Variants in GOLGA2 observed in about 807,000 individuals in gnomAD.
The protein encoded by GOLGA2 is golgin subfamily A member 2.
GOLGA2 carries 49 observed loss-of-function variants against 148.8 expected under a neutral mutation model. The observed-to-expected ratio is 0.33, with a 90% CI of 0.26 to 0.42. The LOEUF (loss-of-function observed/expected upper bound fraction) is 0.42. GOLGA2 is among the 10% of genes least tolerant of loss of function. The pLI, the probability that GOLGA2 is intolerant of heterozygous loss-of-function variation, is 1.00. For synonymous variants in GOLGA2, 501 were observed against 511.8 expected (o/e 0.98, Z 0.28); for missense variants, 1,178 against 1,304.6 (o/e 0.90, Z 1.49).
chr9:128,261,007 G>C lies in GOLGA2; in HGVS notation c.1420+165C>G. 1 of 681,088 alleles carries C rather than the reference G, an allele frequency of 1.5e-6. No individual in the cohort carries two copies. Among genetic ancestry groups the C allele is most frequent in the Non-Finnish European group, 2.6e-6 (1 of 380,580 alleles). The allele number at this position is 681,088 out of a possible 1,614,324, so 42.2% of individuals were successfully genotyped here. On this transcript the variant is annotated intron_variant, in intron 17 of 26. Transcript: ENST00000611957. The surrounding 1 kb of genome is among the most constrained non-coding windows in gnomAD (Gnocchi z 5.7). ...GCACTCCTTCGTCTTTGCTGATGGG[G>C]CACTGAGGCTCATGGAGATGACGAG...
At chr9:128,268,675 T>C in intron 3 of GOLGA2, 151 bp from the exon 4 acceptor site, 2 of 599,028 alleles carry the variant, frequency 3.3e-6, no homozygotes, top group Non-Finnish European at 3.0e-6. Flanking sequence ...TGTGGATTGG[T>C]TGCCCAGGCC....
chr9:128,272,930 G>A (rs1831050392), intron 2 of GOLGA2, 65 bp from the exon 3 acceptor site: 2 of 542,836 alleles, frequency 3.7e-6, no homozygotes, highest in Admixed American at 2.9e-5. Flanking sequence ...TTAGAGAGAG[G>A]CAAGAAAGTC....
intron 3 of GOLGA2, among the ~76,000 whole-genome samples, chr9:128,272,027 A>G (rs1830979312): frequency 6.7e-6 from 1 of 149,618 alleles, no homozygotes; most frequent in African/African-American, 2.4e-5. Context: ...TCTTAAACCA[A>G]AGTGAATTAA....
intron 1 of GOLGA2, chr9:128,275,526 CG>C: frequency 7.7e-7 from 1 of 1,291,916 alleles, no homozygotes; most frequent in Non-Finnish European, 9.9e-7. Context: ...CGGGGGGCCC[CG>C]GGAGTCACGG....
At chr9:128,263,700 G>A (rs1371931460) in intron 12 of GOLGA2, among the ~76,000 whole-genome samples, 2 of 151,866 alleles carry the variant, frequency 1.3e-5, no homozygotes, top group Non-Finnish European at 2.9e-5. Flanking sequence ...TTACAGGCGT[G>A]AGCCACCATG....
chr9:128,261,187 G>C lies in GOLGA2; in HGVS notation c.1405C>G (p.Leu469Val). ...CCCAGCTTACCCATCTGGTTCCTCA[G>C]TTCAGCCAAGCTCGTCTCCAGCTCC... ...VQELETSLAELRNQMAEPPPP... is the reference protein window; with the variant it reads ...VQELETSLAEVRNQMAEPPPP... The change falls in exon 17 of 27, where the codon CTG (leucine) becomes GTG (valine). Residue 469 changes from leucine to valine, a missense_variant. Coordinates refer to ENST00000611957, the MANE Select transcript of GOLGA2 (RefSeq NM_001366244.2). This position sits in a 1 kb window ranked among gnomAD's most constrained non-coding sequence, Gnocchi z 5.7. 6.2e-7 allele frequency: 1 copy of C among 1,612,230 alleles called. No homozygotes were observed. Among genetic ancestry groups the C allele is most frequent in the South Asian group, 1.1e-5 (1 of 91,044 alleles).
intron 12 of GOLGA2, 122 bp from the exon 13 acceptor site, chr9:128,263,214 T>A: frequency 1.4e-6 from 1 of 726,384 alleles, no homozygotes; most frequent in East Asian, 2.5e-5. Flanking sequence ...ACACTTGACA[T>A]GTTTTCAAGG....
chr9:128,275,372 G>A (rs1831256507), intron 1 of GOLGA2: 1 of 1,278,386 alleles, frequency 7.8e-7, no homozygotes, highest in Non-Finnish European at 1.0e-6. Flanking sequence ...ACTCCTAGGG[G>A]GAACATCAGC....
rs1314739381 is a variant in GOLGA2 at position 128,261,466 on chromosome 9, C to G, written c.1320G>C (p.Gln440His). The G allele has an allele frequency of 2.5e-6, 4 of 1,591,924 alleles. No individual in the cohort carries two copies. The Admixed American group carries it at 5.0e-5, about 20-fold the overall frequency. Residue 440 changes from glutamine (Q) to histidine (H), a missense_variant, in exon 16 of 27, where the codon CAG becomes CAC. Around this residue, in one of 5 missense-constraint regions of GOLGA2, gnomAD observed 304 missense variants for 404.1 expected, o/e 0.75. Transcript: ENST00000611957. The surrounding 1 kb of genome is among the most constrained non-coding windows in gnomAD (Gnocchi z 5.7). The stretch of plus-strand genomic sequence containing the variant: ...GGTCAGGTCTCACCTGCTCTGACAT[C>G]TGCTGCATCCTCTGCCGCCACATGG... Reference protein sequence around the residue: ...ESAMWRQRMQQMSEQVHTLRE... With the variant: ...ESAMWRQRMQHMSEQVHTLRE...
chr9:128,260,769 G>A lies in GOLGA2; in HGVS notation c.1454C>T (p.Pro485Leu), dbSNP rs781150600. ...EPPPPEPPAG[P>L]SEVEQQLQAE... Reference sequence around the variant, plus strand: ...TTGTAGCTGCTGCTCCACCTCGGAGGGCCCTGCTGGGGGCTCTGGGGGCGG... The same window carrying A: ...TTGTAGCTGCTGCTCCACCTCGGAGAGCCCTGCTGGGGGCTCTGGGGGCGG... Residue 485 changes from proline (P) to leucine (L), a missense_variant, in exon 18 of 27, where the codon CCC becomes CTC. Physicochemically the swap from Pro to Leu is moderately conservative, Grantham distance 98 (BLOSUM62 -3). Transcript: ENST00000611957. This position sits in a 1 kb window ranked among gnomAD's most constrained non-coding sequence, Gnocchi z 4.8. 15 of 1,611,120 alleles carry A rather than the reference G, an allele frequency of 9.3e-6. No individual in the cohort carries two copies. Among genetic ancestry groups the A allele is most frequent in the Non-Finnish European group, 1.3e-5 (15 of 1,179,036 alleles).
chr9:128,273,791 T>C (rs1427621265), intron 2 of GOLGA2, 59 bp downstream of exon 2: 1 of 1,581,716 alleles, frequency 6.3e-7, no homozygotes, highest in South Asian at 1.1e-5. Context: ...ATCATAACAA[T>C]TACCCTCTAC....
chr9:128,256,847 C>T lies in GOLGA2; in HGVS notation c.*220G>A, dbSNP rs1829894868. ...ACCCATAACCTTTTTTATCCCATAACTTTTTTTAATCCCATAACTTTTAAT... is the reference window on the plus strand; with the variant it reads ...ACCCATAACCTTTTTTATCCCATAATTTTTTTTAATCCCATAACTTTTAAT... On this transcript the variant is annotated 3_prime_UTR_variant, in exon 27 of 27. Transcript: ENST00000611957. 1 of 414,596 alleles carries T rather than the reference C, an allele frequency of 2.4e-6. No homozygotes were observed. The highest frequency in any genetic ancestry group is 4.3e-6 in the Non-Finnish European group (1 of 232,470). The allele number at this position is 414,596 out of a possible 1,614,324, so 25.7% of individuals were successfully genotyped here.
rs199949002 is a variant in GOLGA2, at chr9:128,267,512, C to T, written c.507G>A (p.Ala169=). The part of the protein sequence containing the change: ...QQLNGLVCES[A]TCVNGEGPAS... ...CAGGGCCCTCCCCATTGACACATGTCGCAGACTATAAGAGACGAGAGTGCA... is the reference window on the plus strand; with the variant it reads ...CAGGGCCCTCCCCATTGACACATGTTGCAGACTATAAGAGACGAGAGTGCA... The change falls in exon 7 of 27, where the codon GCG becomes GCA. Residue 169 remains alanine, a synonymous_variant. Coordinates refer to ENST00000611957, the MANE Select transcript of GOLGA2 (RefSeq NM_001366244.2). 19 of 1,611,900 alleles carry T rather than the reference C, an allele frequency of 1.2e-5. No homozygotes were observed. Among genetic ancestry groups the T allele is most frequent in the South Asian group, 2.2e-5 (2 of 91,044 alleles).
At chr9:128,267,398 T>C in intron 7 of GOLGA2, 60 bp downstream of exon 7, 2 of 1,498,636 alleles carry the variant, frequency 1.3e-6, no homozygotes, top group Non-Finnish European at 1.9e-6. Context: ...GCCCCCGCTG[T>C]GGGAGGAGGT....
chr9:128,261,746 C>A lies in GOLGA2; in HGVS notation c.1146G>T (p.Arg382=), dbSNP rs146139895. Reference sequence around the variant, plus strand: ...GCTGGTTAGCATCAGGGGCTTCACACCGGCTTGAAAACTGGATGGTGAAGA... The same window carrying A: ...GCTGGTTAGCATCAGGGGCTTCACAACGGCTTGAAAACTGGATGGTGAAGA... The part of the protein sequence containing the change: ...TELLLQQFSS[R]CEAPDANQQL... Residue 382 remains arginine (R), a synonymous_variant, in exon 15 of 27, where the codon CGG becomes CGT. Transcript: ENST00000611957. This position sits in a 1 kb window ranked among gnomAD's most constrained non-coding sequence, Gnocchi z 5.7. The A allele has an allele frequency of 2.0e-5, 32 of 1,611,570 alleles. No homozygotes were observed. In the African/African-American group the frequency reaches 4.1e-4, roughly 21 times the overall value.
In GOLGA2 at chr9:128,266,229, T is replaced by C. The variant is rs769553805; in HGVS notation, c.681+58A>G. Reference sequence around the variant, plus strand: ...GTGAGACGAGACTGAGGCCTCTACATTTGAATGCCCCCCAAACCCAGCAGT... The same window carrying C: ...GTGAGACGAGACTGAGGCCTCTACACTTGAATGCCCCCCAAACCCAGCAGT... On this transcript the variant is annotated intron_variant, in intron 9 of 26. Transcript: ENST00000611957. This position sits in a 1 kb window ranked among gnomAD's most constrained non-coding sequence, Gnocchi z 4.2. The C allele has an allele frequency of 1.8e-5, 27 of 1,509,778 alleles. No homozygotes were observed. Among genetic ancestry groups the C allele is most frequent in the Non-Finnish European group, 2.4e-5 (26 of 1,085,650 alleles). The allele number at this position is 1,509,778 out of a possible 1,614,324, so 93.5% of individuals were successfully genotyped here. A position where few individuals can be genotyped will look rare whatever the true frequency, so the allele number is the denominator to read the frequency against.
chr9:128,264,594 T>G (rs921468925), intron 12 of GOLGA2, among the ~76,000 whole-genome samples: 11 of 151,418 alleles, frequency 7.3e-5, no homozygotes, highest in African/African-American at 2.7e-4. Context: ...ACCTGGCTAA[T>G]TTTTTGCATT....
Position 128,262,873 on chromosome 9 carries a change from C to T in GOLGA2, c.992+161G>A, listed in dbSNP as rs140040495. 5.0e-6 allele frequency: 4 copies of T among 802,386 alleles called. No individual in the cohort carries two copies. The East Asian group carries it at 1.0e-4, about 20-fold the overall frequency. The allele number at this position is 802,386 out of a possible 1,614,324, so 49.7% of individuals were successfully genotyped here. On this transcript the variant is annotated intron_variant, in intron 13 of 26. Transcript: ENST00000611957. ...GAGAAAAGATACGAGTTACCCAAGGCTACACCATGAGTCAGTGGCACAGCT... is the reference window on the plus strand; with the variant it reads ...GAGAAAAGATACGAGTTACCCAAGGTTACACCATGAGTCAGTGGCACAGCT...
chr9:128,261,809 A>G lies in GOLGA2; in HGVS notation c.1135-52T>C. The G allele has an allele frequency of 8.4e-7, 1 of 1,184,974 alleles. No homozygotes were observed. The highest frequency in any genetic ancestry group is 1.3e-6 in the Non-Finnish European group (1 of 788,640). 73.4% of individuals were successfully genotyped at this position (1,184,974 alleles called of 1,614,324 possible). On this transcript the variant is annotated intron_variant, in intron 14 of 26. Transcript: ENST00000611957. This position sits in a 1 kb window ranked among gnomAD's most constrained non-coding sequence, Gnocchi z 5.7. ...GATCTGGGGAGCCCAGGCCGTTCCAAATAGTGCCCCTTAAAAGGGCTAGGG... is the reference window on the plus strand; with the variant it reads ...GATCTGGGGAGCCCAGGCCGTTCCAGATAGTGCCCCTTAAAAGGGCTAGGG...
Sources: gnomAD v4.1 joint callset for allele counts (sites outside exome capture counted in the v4.1 genomes callset) on GRCh38, gnomAD v4.1.1 for gene constraint, gnomAD v4.1.1 regional missense constraint, Gnocchi (gnomAD v3.1) non-coding constraint, MANE v1.5 for transcripts, NCBI Gene and HGNC (gene_info 2026-07-23, HGNC 2026-07-21) for gene names.